ABCF1: variants seen among roughly 807,000 people sequenced by gnomAD.
The protein encoded by ABCF1 is ATP binding cassette subfamily F member 1, also known as ATP-binding cassette sub-family F member 1.
Under a neutral mutation model 126.3 loss-of-function variants are expected in ABCF1, and 73 were observed. The ratio of observed to expected loss-of-function variants is 0.58; its 90% CI spans 0.48 to 0.70. ABCF1 has a LOEUF of 0.70. ABCF1 is among the 30% of genes least tolerant of loss of function. The pLI is 0.00. For synonymous variants in ABCF1, 345 were observed against 396.4 expected, an observed-to-expected ratio of 0.87 and a Z score of 1.54; for missense variants, 786 against 1,057.5, an observed-to-expected ratio of 0.74 and a Z score of 3.56.
In ABCF1 at chr6:30,571,452, C is replaced by T. The variant is rs757126224; in HGVS notation, c.-36C>T. On this transcript the variant is annotated 5_prime_UTR_variant, in exon 1 of 25. Coordinates refer to ENST00000326195, the MANE Select transcript of ABCF1 (RefSeq NM_001025091.2). ...CCCGCCGCCGGAAGCGGAAATAGCA[C>T]CGGGCGCCGCCACAGTAGCTGTAAC... is the stretch of plus-strand genomic sequence containing the variant. The T allele has an allele frequency of 1.9e-6, 3 of 1,589,334 alleles. No homozygotes were observed. The highest frequency in any genetic ancestry group is 1.8e-5 in the Admixed American group (1 of 56,068).
In ABCF1 at chr6:30,583,078, C is replaced by G. The variant is rs375099025; in HGVS notation, c.805C>G (p.Arg269Gly). 1 of 1,609,374 alleles carries G rather than the reference C, an allele frequency of 6.2e-7. No homozygotes were observed. Among genetic ancestry groups the G allele is most frequent in the African/African-American group, 1.3e-5 (1 of 74,840 alleles). ...CCTACCTTCTCAGATGGAGTATGAG[C>G]GCCAAGTGGCTTCATTAAAAGCAGC... is the stretch of plus-strand genomic sequence containing the variant. ...KKLKKQMEYE[R>G]QVASLKAANA... is the part of the protein sequence containing the mutation. The change falls in exon 10 of 25, where the codon CGC (arginine) becomes GGC (glycine). Residue 269 changes from arginine to glycine, a missense_variant. Transcript: ENST00000326195. The surrounding 1 kb of genome is among the most constrained non-coding windows in gnomAD (Gnocchi z 4.1).
At position 30,589,625 on chromosome 6, in the gene ABCF1, T is replaced by C. The variant is rs1802332900; in HGVS notation, c.2032-63T>C. 5 of 1,488,124 alleles carry C rather than the reference T, an allele frequency of 3.4e-6. No individual in the cohort carries two copies. In the African/African-American group the frequency reaches 4.3e-5, roughly 13 times the overall value. 92.2% of individuals were successfully genotyped at this position (1,488,124 alleles called of 1,614,324 possible). On this transcript the variant is annotated intron_variant, in intron 20 of 24. Transcript: ENST00000326195. ...CTCAAAAAAAAAAAAAAAAAGTTGA[T>C]GTATGGAGCTGCAGCACCTTTTTCC...
chr6:30,571,691 G>A lies in ABCF1; in HGVS notation c.73+131G>A, dbSNP rs536928972. 5 of 1,010,176 alleles carry A rather than the reference G, an allele frequency of 4.9e-6. No individual in the cohort carries two copies. In the Admixed American group the frequency reaches 7.8e-5, roughly 16 times the overall value. The allele number at this position is 1,010,176 out of a possible 1,614,324, so 62.6% of individuals were successfully genotyped here. ...GGAGTTACTGCGCATGCGTGCCGTG[G>A]GCCCGGGAGGAGTTTGCCGGGGAGG... On this transcript the variant is annotated intron_variant, in intron 1 of 24. Transcript: ENST00000326195.
At position 30,578,189 on chromosome 6, in the gene ABCF1, T is replaced by C; in HGVS notation, c.330T>C (p.Asp110=). 1 of 1,613,732 alleles carries C rather than the reference T, an allele frequency of 6.2e-7. No homozygotes were observed. Among genetic ancestry groups the C allele is most frequent in the South Asian group, 1.1e-5 (1 of 91,058 alleles). Residue 110 remains aspartate, a synonymous_variant, in exon 4 of 25, where the codon GAT becomes GAC. Transcript: ENST00000326195. ...AGAAGCTCTCAGTGCCAACCAGTGATGAGGAGGATGAAGGTAAATGACCTG... is the reference window on the plus strand; with the variant it reads ...AGAAGCTCTCAGTGCCAACCAGTGACGAGGAGGATGAAGGTAAATGACCTG... ...RLKKLSVPTS[D]EEDEVPAPKP...
intron 6 of ABCF1, among the ~76,000 whole-genome samples, chr6:30,579,119 C>T (rs1346959901): frequency 6.6e-6 from 1 of 152,190 alleles, no homozygotes; most frequent in Non-Finnish European, 1.5e-5. Context: ...CTACTTGTGA[C>T]TCTTCTGCGT....
Position 30,571,483 on chromosome 6 carries a change from C to T in ABCF1, c.-5C>T. ...GCCGCCACAGTAGCTGTAACTGCCACCGCGATGCCGAAGGCGCCCAAGCAG... is the reference window on the plus strand; with the variant it reads ...GCCGCCACAGTAGCTGTAACTGCCATCGCGATGCCGAAGGCGCCCAAGCAG... On this transcript the variant is annotated 5_prime_UTR_variant, in exon 1 of 25. Transcript: ENST00000326195. 1.9e-6 allele frequency: 3 copies of T among 1,609,610 alleles called. No individual in the cohort carries two copies. In the South Asian group the frequency reaches 3.3e-5, roughly 18 times the overall value.
intron 16 of ABCF1, 86 bp from the exon 17 acceptor site, chr6:30,585,793 G>A (rs1802087169): frequency 1.9e-6 from 3 of 1,562,340 alleles, no homozygotes; most frequent in Non-Finnish European, 2.6e-6. Context: ...AGACAGTGAT[G>A]CCTACCCCAT....
chr6:30,577,792 T>C, intron 2 of ABCF1, 26 bp from the exon 3 acceptor site: 1 of 1,610,744 alleles, frequency 6.2e-7, no homozygotes, highest in Non-Finnish European at 8.5e-7. Flanking sequence ...GAAACATGTT[T>C]ACCTGTAGCT....
intron 1 of ABCF1, among the ~76,000 whole-genome samples, chr6:30,572,767 C>G (rs543269738): frequency 6.6e-6 from 1 of 152,316 alleles, no homozygotes; most frequent in Non-Finnish European, 1.5e-5. Context: ...TCCAAAAGTG[C>G]TGGGATTACA....
rs574418092 is a variant in ABCF1, at chr6:30,573,459, A to G, written c.73+1899A>G. 4.6e-5 allele frequency among the ~76,000 whole-genome samples: 7 copies of G among 152,352 alleles called. No homozygotes were observed. In the South Asian group the frequency reaches 1.4e-3, roughly 32 times the overall value. On this transcript the variant is annotated intron_variant, in intron 1 of 24. Transcript: ENST00000326195. Reference sequence around the variant, plus strand: ...ACTAGGAGTAAAGACACAGGCAAGTAGAGTTGAAGTGCTGGATATGGAAGA... The same window carrying G: ...ACTAGGAGTAAAGACACAGGCAAGTGGAGTTGAAGTGCTGGATATGGAAGA...
intron 20 of ABCF1, among the ~76,000 whole-genome samples, chr6:30,588,794 A>G (rs999463386): frequency 6.6e-6 from 1 of 152,122 alleles, no homozygotes; most frequent in Non-Finnish European, 1.5e-5. Flanking sequence ...TTAGAAAGGT[A>G]TTATTAGATT....
Position 30,583,750 on chromosome 6 carries a change from G to C in ABCF1, c.1016+42G>C. On this transcript the variant is annotated intron_variant, in intron 11 of 24. Coordinates refer to ENST00000326195, the MANE Select transcript of ABCF1 (RefSeq NM_001025091.2). This position sits in a 1 kb window ranked among gnomAD's most constrained non-coding sequence, Gnocchi z 4.1. ...GCTGGAGGCAAAAAAGGGCCTGGAG[G>C]GAAAAGAAGAGATTTCTCAGTGGTG... 1 of 1,613,592 alleles carries C rather than the reference G, an allele frequency of 6.2e-7. No individual in the cohort carries two copies. Among genetic ancestry groups the C allele is most frequent in the Non-Finnish European group, 8.5e-7 (1 of 1,179,592 alleles).
At position 30,583,154 on chromosome 6, in the gene ABCF1, G is replaced by A; in HGVS notation, c.881G>A (p.Arg294His). The A allele has an allele frequency of 6.2e-7, 1 of 1,610,496 alleles. No homozygotes were observed. Among genetic ancestry groups the A allele is most frequent in the Non-Finnish European group, 8.5e-7 (1 of 1,177,870 alleles). Reference sequence around the variant, plus strand: ...GTGTCCCAGGCGGAGATGTCCTCCCGCCAAGCCATGTTAGAAAATGCATCT... The same window carrying A: ...GTGTCCCAGGCGGAGATGTCCTCCCACCAAGCCATGTTAGAAAATGCATCT... ...FSVSQAEMSS[R>H]QAMLENASDI... Residue 294 changes from arginine (R) to histidine (H), a missense_variant, in exon 10 of 25, where the codon CGC becomes CAC. Physicochemically the swap from Arg to His is conservative, Grantham distance 29 (BLOSUM62 0). This residue lies in a region of ABCF1 where 163 missense variants were observed against 255.3 expected (regional missense o/e 0.64). Transcript: ENST00000326195. This position sits in a 1 kb window ranked among gnomAD's most constrained non-coding sequence, Gnocchi z 4.1.
chr6:30,580,113 G>A (rs370131574), intron 7 of ABCF1, 108 bp downstream of exon 7: 17 of 1,047,300 alleles, frequency 1.6e-5, no homozygotes, highest in East Asian at 5.5e-5. Context: ...TTGGGAGGCC[G>A]AGGTGGGCGG....
rs773003863 is a variant in ABCF1, at chr6:30,577,411, A to G, written c.76A>G (p.Lys26Glu). ...ACGATGTCCGCTTAACTTTCTAGACAAAGTGGTGAAGAAAGGGAAGAAGGA... is the reference window on the plus strand; with the variant it reads ...ACGATGTCCGCTTAACTTTCTAGACGAAGTGGTGAAGAAAGGGAAGAAGGA... ...GDGESTSPSD[K>E]VVKKGKKDKK... Residue 26 changes from lysine to glutamate, a missense_variant and splice_region_variant, in exon 2 of 25, where the codon AAA (lysine) becomes GAA (glutamate). Around this residue, in one of 4 missense-constraint regions of ABCF1, gnomAD observed 322 missense variants for 322.9 expected, o/e 1.00. Coordinates refer to ENST00000326195, the MANE Select transcript of ABCF1 (RefSeq NM_001025091.2). The G allele has an allele frequency of 6.2e-7, 1 of 1,614,006 alleles. No homozygotes were observed.
intron 21 of ABCF1, 30 bp downstream of exon 21, chr6:30,589,750 TA>T (rs1433006102): frequency 2.8e-5 from 45 of 1,614,012 alleles, no homozygotes; most frequent in Non-Finnish European, 3.6e-5. Context: ...TAGGGAATGA[TA>T]ATCTGATGGA....
At position 30,582,467 on chromosome 6, in the gene ABCF1, C is replaced by T. The variant is rs200347349; in HGVS notation, c.752C>T (p.Ala251Val). The T allele has an allele frequency of 1.9e-6, 3 of 1,612,882 alleles. No individual in the cohort carries two copies. Among genetic ancestry groups the T allele is most frequent in the East Asian group, 2.2e-5 (1 of 44,878 alleles). The change falls in exon 9 of 25, where the codon GCT (alanine) becomes GTT (valine). Residue 251 changes from alanine (A) to valine (V), a missense_variant. By Grantham distance (64) the Ala-to-Val change is moderately conservative (BLOSUM62 0). Coordinates refer to ENST00000326195, the MANE Select transcript of ABCF1 (RefSeq NM_001025091.2). The stretch of plus-strand genomic sequence containing the variant: ...GAGTCTAAGGCAGATGATCCCTATG[C>T]TCATCTTAGCAAAAAGGAGAAGAAA... ...GGESKADDPY[A>V]HLSKKEKKKL... is the part of the protein sequence containing the mutation.
intron 6 of ABCF1, 83 bp from the exon 7 acceptor site, chr6:30,579,848 A>T (rs536357943): frequency 7.3e-7 from 1 of 1,365,830 alleles, no homozygotes; most frequent in Non-Finnish European, 1.0e-6. Flanking sequence ...AACACAGTAG[A>T]CTCTCTAGAA....
rs1214260795 is a variant in ABCF1, at chr6:30,584,499, C to G, written c.1324C>G (p.Pro442Ala). The G allele has an allele frequency of 6.2e-7, 1 of 1,612,958 alleles. No individual in the cohort carries two copies. The highest frequency in any genetic ancestry group is 8.5e-7 in the Non-Finnish European group (1 of 1,180,018). The change falls in exon 14 of 25, where the codon CCT (proline) becomes GCT (alanine). Residue 442 changes from proline (P) to alanine (A), a missense_variant. Around this residue, in one of 4 missense-constraint regions of ABCF1, gnomAD observed 163 missense variants for 255.3 expected, o/e 0.64. Transcript: ENST00000326195. The surrounding 1 kb of genome is among the most constrained non-coding windows in gnomAD (Gnocchi z 4.6). ...GATCCTGGCTGGCCTGGGCTTTGAC[C>G]CTGAAATGCAGAATCGACCCACACA... The part of the protein sequence containing the change: ...RRILAGLGFD[P>A]EMQNRPTQKF...
Sources: gnomAD v4.1 joint callset for allele counts (sites outside exome capture counted in the v4.1 genomes callset) on GRCh38, gnomAD v4.1.1 for gene constraint, gnomAD v4.1.1 regional missense constraint, Gnocchi (gnomAD v3.1) non-coding constraint, MANE v1.5 for transcripts, NCBI Gene and HGNC (gene_info 2026-07-23, HGNC 2026-07-21) for gene names.